The following GGA1 variants were observed in gnomAD, a reference collection of about 807,000 sequenced individuals.
The protein encoded by GGA1 is golgi associated, gamma adaptin ear containing, ARF binding protein 1.
GGA1 carries 18 observed loss-of-function variants against 76.9 expected under a neutral mutation model. The observed-to-expected ratio is 0.23, with a 90% CI of 0.16 to 0.35. GGA1 has a LOEUF of 0.35. Ranked by LOEUF, GGA1 falls within the 10% of genes least tolerant of loss-of-function variation. GGA1 has a pLI of 1.00. For missense variants in GGA1, 755 were observed against 859.0 expected (o/e 0.88, Z 1.51); for synonymous variants, 342 against 354.7 (o/e 0.96, Z 0.40).
At chr22:37,609,013 C>T in intron 1 of GGA1, 110 bp downstream of exon 1, 1 of 1,373,286 alleles carries the variant, frequency 7.3e-7, no homozygotes, top group South Asian at 1.6e-5. Context: ...CACGCCCCGC[C>T]CCCGGCCCGG....
intron 1 of GGA1, 145 bp downstream of exon 1, chr22:37,609,048 C>T (rs900299290): frequency 1.9e-5 from 28 of 1,476,360 alleles, no homozygotes; most frequent in Non-Finnish European, 2.3e-5. Context: ...TCAGTCGGCC[C>T]CTCAGACCCT....
chr22:37,614,292 C>G lies in GGA1; in HGVS notation c.128+18C>G. 6.5e-7 allele frequency: 1 copy of G among 1,543,874 alleles called. No individual in the cohort carries two copies. Among genetic ancestry groups the G allele is most frequent in the Non-Finnish European group, 9.0e-7 (1 of 1,115,872 alleles). ...TTTGAGGGGTAGGTGGCCGTCCCCA[C>G]TTGTTTGCACTGCCCTGCACTCTCC... On this transcript the variant is annotated intron_variant, in intron 2 of 16. Coordinates refer to ENST00000343632, the MANE Select transcript of GGA1 (RefSeq NM_013365.5).
chr22:37,629,539 C>T lies in GGA1; in HGVS notation c.1158+13C>T. 1 of 1,539,870 alleles carries T rather than the reference C, an allele frequency of 6.5e-7. No individual in the cohort carries two copies. The highest frequency in any genetic ancestry group is 8.8e-7 in the Non-Finnish European group (1 of 1,135,124). On this transcript the variant is annotated intron_variant, in intron 12 of 16. Coordinates refer to ENST00000343632, the MANE Select transcript of GGA1 (RefSeq NM_013365.5). ...GAACAGCTTCCAGGTAGGAGGGGAC[C>T]ACAAACTAGTCTGGCCTGTCCCAGT...
At chr22:37,608,924 C>G in intron 1 of GGA1, 21 bp downstream of exon 1, 1 of 1,317,542 alleles carries the variant, frequency 7.6e-7, no homozygotes, top group South Asian at 2.1e-5. Flanking sequence ...GGGAGGGGCG[C>G]GGGCCGGACC....
At chr22:37,631,945 C>T (rs1029174613) in intron 14 of GGA1, 51 bp from the exon 15 acceptor site, 22 of 1,523,350 alleles carry the variant, frequency 1.4e-5, no homozygotes, top group Middle Eastern at 1.7e-4. Context: ...GGGGGCTGAG[C>T]GGATGTGCTG....
In GGA1 at chr22:37,626,084, C is replaced by G. The variant is rs544825621; in HGVS notation, c.1093+135C>G. 1.5e-3 allele frequency: 860 copies of G among 558,072 alleles called. 1 individual carries two copies. The highest frequency in any genetic ancestry group is 2.4e-3 in the South Asian group (55 of 22,450). 34.6% of individuals were successfully genotyped at this position (558,072 alleles called of 1,614,324 possible). On this transcript the variant is annotated intron_variant, in intron 11 of 16. Transcript: ENST00000343632. Reference sequence around the variant, plus strand: ...GGGGCACGTGGATGAGCATTAGGCCCACTTCACAACTGAGGAAACTGAGGC... The same window carrying G: ...GGGGCACGTGGATGAGCATTAGGCCGACTTCACAACTGAGGAAACTGAGGC...
In GGA1 at chr22:37,625,780, C is replaced by T. The variant is rs1183108498; in HGVS notation, c.941-17C>T. The T allele has an allele frequency of 5.2e-6, 8 of 1,539,520 alleles. No homozygotes were observed. The highest frequency in any genetic ancestry group is 7.0e-6 in the Non-Finnish European group (8 of 1,136,324). ...GTGTACACCCAGGACTTGCCAGCCT[C>T]TTCTTTCCCACCCCAGGGAGCACCT... On this transcript the variant is annotated splice_polypyrimidine_tract_variant and intron_variant, in intron 10 of 16. Coordinates refer to ENST00000343632, the MANE Select transcript of GGA1 (RefSeq NM_013365.5). This position sits in a 1 kb window ranked among gnomAD's most constrained non-coding sequence, Gnocchi z 4.1.
chr22:37,630,841 T>TA (rs1931672593), intron 13 of GGA1, 62 bp from the exon 14 acceptor site: 15 of 1,212,654 alleles, frequency 1.2e-5, no homozygotes, highest in Non-Finnish European at 1.8e-5. Flanking sequence ...GTGTTGGAAT[T>TA]ACAGGGGTGA....
rs762883539 is a variant in GGA1, at chr22:37,625,702, C to A, written c.941-95C>A. On this transcript the variant is annotated intron_variant, in intron 10 of 16. Coordinates refer to ENST00000343632, the MANE Select transcript of GGA1 (RefSeq NM_013365.5). The surrounding 1 kb of genome is among the most constrained non-coding windows in gnomAD (Gnocchi z 4.1). The stretch of plus-strand genomic sequence containing the variant: ...GGGAGGCAGGAGACCAGTGGTAAAG[C>A]ATCGGGGGTTAGGTGTTGCTCCCCC... 1.4e-4 allele frequency: 129 copies of A among 942,980 alleles called. No homozygotes were observed. The highest frequency in any genetic ancestry group is 1.9e-4 in the Non-Finnish European group (123 of 651,874). The allele number at this position is 942,980 out of a possible 1,614,324, so 58.4% of individuals were successfully genotyped here.
intron 1 of GGA1, among the ~76,000 whole-genome samples, chr22:37,613,787 A>G (rs1928215224): frequency 6.6e-6 from 1 of 152,078 alleles, no homozygotes; most frequent in African/African-American, 2.4e-5. Flanking sequence ...CCGGCTACAC[A>G]GCTCCTTGAG....
intron 4 of GGA1, chr22:37,619,797 C>G (rs2145927211): frequency 2.6e-6 from 2 of 778,840 alleles, no homozygotes; most frequent in South Asian, 2.7e-5. Context: ...CTCCTCCCAA[C>G]AGGGGACTCT....
At position 37,625,842 on chromosome 22, in the gene GGA1, C is replaced by T; in HGVS notation, c.986C>T (p.Pro329Leu). ...LLDLSGLDLP[P>L]AGTTYPAMPT... ...GATCTCTCAGGCCTGGATCTCCCGC[C>T]TGCGGGCACCACCTACCCAGCTATG... is the stretch of plus-strand genomic sequence containing the variant. Residue 329 changes from proline to leucine, a missense_variant, in exon 11 of 17, where the codon CCT (proline) becomes CTT (leucine). By Grantham distance (98) the Pro-to-Leu change is moderately conservative. Transcript: ENST00000343632. This position sits in a 1 kb window ranked among gnomAD's most constrained non-coding sequence, Gnocchi z 4.1. 6.2e-7 allele frequency: 1 copy of T among 1,611,428 alleles called. No individual in the cohort carries two copies. Among genetic ancestry groups the T allele is most frequent in the Non-Finnish European group, 8.5e-7 (1 of 1,178,360 alleles).
In GGA1 at chr22:37,623,667, C is replaced by G; in HGVS notation, c.832+34C>G. The G allele has an allele frequency of 3.6e-6, 5 of 1,397,266 alleles. No homozygotes were observed. The highest frequency in any genetic ancestry group is 5.0e-6 in the Non-Finnish European group (5 of 1,006,760). The allele number at this position is 1,397,266 out of a possible 1,614,324, so 86.6% of individuals were successfully genotyped here. A position where few individuals can be genotyped will look rare whatever the true frequency, so the allele number is the denominator to read the frequency against. ...AGGGCAGGTGCTGAGGTCAGGTCCC[C>G]CCCTCTCCCTCCACCTCCTGCCCCC... On this transcript the variant is annotated intron_variant, in intron 9 of 16. Coordinates refer to ENST00000343632, the MANE Select transcript of GGA1 (RefSeq NM_013365.5). This position sits in a 1 kb window ranked among gnomAD's most constrained non-coding sequence, Gnocchi z 4.6.
chr22:37,609,577 G>C (rs1440069276), intron 1 of GGA1, among the ~76,000 whole-genome samples: 2 of 152,116 alleles, frequency 1.3e-5, no homozygotes, highest in African/African-American at 2.4e-5. Flanking sequence ...CCCAGCTCTT[G>C]CTGAACTTCC....
intron 2 of GGA1, 61 bp downstream of exon 2, chr22:37,614,335 A>G: frequency 8.4e-7 from 1 of 1,193,530 alleles, no homozygotes; most frequent in Admixed American, 1.7e-5. Flanking sequence ...AGTCTCGGGT[A>G]CAATGGCCTG....
At chr22:37,614,062 G>C (rs1157749528) in intron 1 of GGA1, 128 bp from the exon 2 acceptor site, 1 of 708,184 alleles carries the variant, frequency 1.4e-6, no homozygotes, top group Non-Finnish European at 2.6e-6. Flanking sequence ...AGGAAGGCAG[G>C]GGGAGAGCTT....
At chr22:37,629,887 C>T (rs1419383521) in intron 12 of GGA1, 111 bp from the exon 13 acceptor site, 2 of 813,126 alleles carry the variant, frequency 2.5e-6, no homozygotes, top group African/African-American at 1.8e-5. Flanking sequence ...ACCTCTGTGG[C>T]TGCTTTCCCA....
At position 37,623,510 on chromosome 22, in the gene GGA1, C is replaced by T. The variant is rs1264962259; in HGVS notation, c.751-42C>T. ...CCTACCCCACTCCCTGCCCACTCCA[C>T]AGCCCACGCGGACCCTGACCCGCCC... On this transcript the variant is annotated intron_variant, in intron 8 of 16. Transcript: ENST00000343632. This position sits in a 1 kb window ranked among gnomAD's most constrained non-coding sequence, Gnocchi z 4.6. The T allele has an allele frequency of 6.2e-7, 1 of 1,613,018 alleles. No individual in the cohort carries two copies. Among genetic ancestry groups the T allele is most frequent in the South Asian group, 1.1e-5 (1 of 91,052 alleles).
At chr22:37,620,066 G>A in intron 4 of GGA1, 172 bp from the exon 5 acceptor site, 4 of 687,920 alleles carry the variant, frequency 5.8e-6, no homozygotes, top group East Asian at 2.5e-5. Flanking sequence ...AAGTGGCAGG[G>A]GTAGTAGGTG....
Sources: allele counts gnomAD v4.1 joint callset (sites outside exome capture counted in the v4.1 genomes callset), GRCh38; gene constraint gnomAD v4.1.1; non-coding constraint Gnocchi (gnomAD v3.1); transcripts MANE v1.5; gene names NCBI Gene and HGNC (gene_info 2026-07-23, HGNC 2026-07-21).